SRD5A2: variants seen among roughly 807,000 people sequenced by gnomAD.
The protein encoded by SRD5A2 is 3-oxo-5-alpha-steroid 4-dehydrogenase 2.
A neutral mutation model predicts 27.4 loss-of-function variants in SRD5A2; 30 were observed. That is an observed-to-expected ratio of 1.10 (90% confidence interval 0.82 to 1.49). The LOEUF is 1.49. Among genes scored for constraint, SRD5A2 ranks in the 40% most tolerant of loss-of-function variants. SRD5A2 has a pLI of 0.00. For missense variants in SRD5A2, 348 were observed against 323.4 expected, an observed-to-expected ratio of 1.08 and a Z score of -0.58; for synonymous variants, 141 against 133.6, an observed-to-expected ratio of 1.06 and a Z score of -0.38.
chr2:31,538,245 T>C (rs1411226546), intron 1 of SRD5A2, among the ~76,000 whole-genome samples: 1 of 152,192 alleles, frequency 6.6e-6, no homozygotes, highest in Non-Finnish European at 1.5e-5. Flanking sequence ...GTCTTCCCCA[T>C]CTCAGTAAAT....
chr2:31,647,268 T>G, the SRD5A2 span, among the ~76,000 whole-genome samples: 1 of 152,198 alleles, frequency 6.6e-6, no homozygotes, highest in African/African-American at 2.4e-5. Context: ...CTTCTTAAAC[T>G]GTGTAATCTG....
the SRD5A2 span, among the ~76,000 whole-genome samples, chr2:31,612,277 T>C: frequency 6.7e-6 from 1 of 148,340 alleles, no homozygotes; most frequent in African/African-American, 2.5e-5. Flanking sequence ...CAAGACTGCG[T>C]CTCAAAATTA....
At chr2:31,613,008 A>T in the SRD5A2 span, among the ~76,000 whole-genome samples, 3 of 152,182 alleles carry the variant, frequency 2.0e-5, no homozygotes, top group Non-Finnish European at 4.4e-5. Flanking sequence ...CCATATACAA[A>T]AATTAACTTA....
chr2:31,583,635 AAAAGCAAAAAAAAAACCAAAAAAAAAGC>A (rs1204636997), upstream of SRD5A2, among the ~76,000 whole-genome samples: 1 of 21,904 alleles, frequency 4.6e-5, no homozygotes, highest in Non-Finnish European at 1.2e-4. Flanking sequence ...AAAACAAAAA[AAAAGCAAAAAAAAAACCAAAAAAAAAGC>A]AAAAAAAAAA....
At chr2:31,595,329 G>T in the SRD5A2 span, among the ~76,000 whole-genome samples, 1 of 152,114 alleles carries the variant, frequency 6.6e-6, no homozygotes, top group African/African-American at 2.4e-5. Context: ...AAGAAAAGAA[G>T]AGAGAAGATC....
chr2:31,650,251 G>A, the SRD5A2 span, among the ~76,000 whole-genome samples: 1 of 152,118 alleles, frequency 6.6e-6, no homozygotes, highest in African/African-American at 2.4e-5. Context: ...GCGTGAGATG[G>A]TGAGATAGGT....
the SRD5A2 span, among the ~76,000 whole-genome samples, chr2:31,656,329 C>T: frequency 6.6e-6 from 1 of 152,142 alleles, no homozygotes; most frequent in Non-Finnish European, 1.5e-5. Flanking sequence ...ACCTTATTGG[C>T]CATTCTACTC....
intron 1 of SRD5A2, among the ~76,000 whole-genome samples, chr2:31,559,186 C>T (rs956044261): frequency 2.0e-5 from 3 of 152,170 alleles, no homozygotes; most frequent in African/African-American, 7.2e-5. Context: ...ACTGTGTGAT[C>T]TCCAGGCTGC....
the SRD5A2 span, among the ~76,000 whole-genome samples, chr2:31,609,809 G>C: frequency 6.6e-6 from 1 of 152,048 alleles, no homozygotes; most frequent in Non-Finnish European, 1.5e-5. Flanking sequence ...CAAAATGGGA[G>C]AAATATTTAC....
the SRD5A2 span, among the ~76,000 whole-genome samples, chr2:31,604,009 GT>G: frequency 6.6e-6 from 1 of 151,808 alleles, no homozygotes; most frequent in African/African-American, 2.4e-5. Context: ...ATTTATCTAT[GT>G]AAAAAACCTG....
the SRD5A2 span, among the ~76,000 whole-genome samples, chr2:31,610,709 T>C: frequency 6.6e-6 from 1 of 152,336 alleles, no homozygotes; most frequent in South Asian, 2.1e-4. Flanking sequence ...CTTTTTTTGC[T>C]GATGACATGA....
intron 1 of SRD5A2, among the ~76,000 whole-genome samples, chr2:31,568,803 C>T (rs541495917): frequency 6.6e-6 from 1 of 152,244 alleles, no homozygotes; most frequent in Non-Finnish European, 1.5e-5. Context: ...CCACTTGCCC[C>T]TCCTCCCATG....
the SRD5A2 span, among the ~76,000 whole-genome samples, chr2:31,610,774 A>G: frequency 2.6e-5 from 4 of 152,176 alleles, no homozygotes; most frequent in Admixed American, 2.6e-4. Context: ...GAACTGATAA[A>G]CAAATTCAAT....
chr2:31,601,803 C>CA, the SRD5A2 span, among the ~76,000 whole-genome samples: 1 of 151,854 alleles, frequency 6.6e-6, no homozygotes, highest in Non-Finnish European at 1.5e-5. Context: ...GAATGAAAGA[C>CA]AAAAAACACA....
At chr2:31,631,457 C>A in the SRD5A2 span, among the ~76,000 whole-genome samples, 2 of 151,842 alleles carry the variant, frequency 1.3e-5, no homozygotes, top group African/African-American at 2.4e-5. Context: ...GTACTGGCAT[C>A]CCCTGTTTTT....
chr2:31,529,724 G>A (rs1380307826), intron 3 of SRD5A2, among the ~76,000 whole-genome samples: 3 of 152,156 alleles, frequency 2.0e-5, no homozygotes, highest in Non-Finnish European at 4.4e-5. Context: ...ACAACTGCTG[G>A]ACCACTAGCT....
At chr2:31,584,617 T>A (rs1241390756), upstream of SRD5A2, among the ~76,000 whole-genome samples, 5 of 152,194 alleles carry the variant, frequency 3.3e-5, no homozygotes. Flanking sequence ...TCAAGCTTGA[T>A]AATTCACTAA....
the SRD5A2 span, among the ~76,000 whole-genome samples, chr2:31,597,154 A>C: frequency 6.6e-6 from 1 of 152,240 alleles, no homozygotes; most frequent in South Asian, 2.1e-4. Flanking sequence ...AAAATAGATA[A>C]CTCAGAAATA....
chr2:31,582,225 G>A (rs1422761207), upstream of SRD5A2, among the ~76,000 whole-genome samples: 1 of 151,748 alleles, frequency 6.6e-6, no homozygotes, highest in Non-Finnish European at 1.5e-5. Context: ...TTCAACTCAC[G>A]CCTCCCAGGA....
Sources: allele counts gnomAD v4.1 joint callset (sites outside exome capture counted in the v4.1 genomes callset), GRCh38; gene constraint gnomAD v4.1.1; transcripts MANE v1.5; gene names NCBI Gene and HGNC (gene_info 2026-07-23, HGNC 2026-07-21).